Variants in PRRC2C observed in about 807,000 individuals in gnomAD.
PRRC2C encodes the protein proline rich coiled-coil 2C.
A neutral mutation model predicts 317.2 loss-of-function variants in PRRC2C; 72 were observed. The ratio of observed to expected loss-of-function variants is 0.23; its 90% CI spans 0.19 to 0.28. The LOEUF is 0.28. PRRC2C is among the 10% of genes least tolerant of loss of function. The pLI is 1.00. For missense variants in PRRC2C, 3,074 were observed against 3,459.7 expected, an observed-to-expected ratio of 0.89 and a Z score of 2.80; for synonymous variants, 1,296 against 1,205.9, an observed-to-expected ratio of 1.07 and a Z score of -1.55.
At chr1:171,587,906 A>G (rs1650420812) in intron 32 of PRRC2C, among the ~76,000 whole-genome samples, 155 bp downstream of exon 32, 1 of 152,222 alleles carries the variant, frequency 6.6e-6, no homozygotes, top group Non-Finnish European at 1.5e-5. Context: ...TTAAGCTTTT[A>G]AATTATTTAA....
Position 171,557,323 on chromosome 1 carries a change from A to C in PRRC2C, c.5211A>C (p.Thr1737=), listed in dbSNP as rs1681639772. The C allele has an allele frequency of 1.9e-6, 3 of 1,552,036 alleles. No individual in the cohort carries two copies. The highest frequency in any genetic ancestry group is 2.6e-6 in the Non-Finnish European group (3 of 1,147,052). The change falls in exon 19 of 35, where the codon ACA becomes ACC. Residue 1737 remains threonine, a synonymous_variant. Transcript: ENST00000647382. ...LPPRFAKKQA[T]GIQQAQSSAS... is the part of the protein sequence containing the mutation. ...CAAGATTTGCCAAAAAACAGGCTAC[A>C]GGGATCCAGCAAGCACAGTCTTCAG... is the stretch of plus-strand genomic sequence containing the variant.
intron 33 of PRRC2C, among the ~76,000 whole-genome samples, chr1:171,588,737 A>G (rs1650637187): frequency 6.6e-6 from 1 of 152,232 alleles, no homozygotes; most frequent in Non-Finnish European, 1.5e-5. Context: ...GATTCCCCAC[A>G]CAGCTCTGAT....
chr1:171,578,188 G>T (rs1209630812), intron 26 of PRRC2C, among the ~76,000 whole-genome samples: 3 of 151,910 alleles, frequency 2.0e-5, no homozygotes, highest in Non-Finnish European at 4.4e-5. Flanking sequence ...ATCTCATATG[G>T]ATACATTTAA....
chr1:171,565,147 A>G (rs1015955059), intron 20 of PRRC2C, among the ~76,000 whole-genome samples: 10 of 152,238 alleles, frequency 6.6e-5, no homozygotes, highest in African/African-American at 9.6e-5. Flanking sequence ...ACTGTTCCCC[A>G]TACCTGCTAT....
chr1:171,511,337 C>CATT (rs1671347046), intron 1 of PRRC2C: 1 of 152,072 alleles, frequency 6.6e-6, no homozygotes, highest in Non-Finnish European at 1.5e-5. Context: ...GATGAGGGTA[C>CATT]ATTAGCTCTA....
At chr1:171,527,290 G>A (rs556302075) in intron 10 of PRRC2C, among the ~76,000 whole-genome samples, 40 of 149,798 alleles carry the variant, frequency 2.7e-4, no homozygotes, top group African/African-American at 9.3e-4. Flanking sequence ...CCGCCACCAC[G>A]CCTGGCTAAT....
chr1:171,556,966 G>T (rs1034299994), intron 18 of PRRC2C, among the ~76,000 whole-genome samples: 1 of 152,154 alleles, frequency 6.6e-6, no homozygotes, highest in African/African-American at 2.4e-5. Context: ...AAGTTTTGCT[G>T]CCAGTGAATT....
At position 171,591,872 on chromosome 1, in the gene PRRC2C, TGGGAGGGGGGCGG is replaced by T; in HGVS notation, c.*27_*39del. 1.8e-6 allele frequency: 1 copy of T among 568,604 alleles called. No individual in the cohort carries two copies. Among genetic ancestry groups the T allele is most frequent in the Non-Finnish European group, 2.7e-6 (1 of 372,666 alleles). The allele number at this position is 568,604 out of a possible 1,614,324, so 35.2% of individuals were successfully genotyped here. A position where few individuals can be genotyped will look rare whatever the true frequency, so the allele number is the denominator to read the frequency against. On this transcript the variant is annotated 3_prime_UTR_variant, in exon 35 of 35. Transcript: ENST00000647382. Reference sequence around the variant, plus strand: ...AAGGCTATGGTTTATTGCAGGGGATTGGGAGGGGGGCGGGAAAACATGGAGAATTAAGTCAGAT... The same window carrying T: ...AAGGCTATGGTTTATTGCAGGGGATTGAAAACATGGAGAATTAAGTCAGAT...
At chr1:171,531,339 A>G (rs1675825323) in intron 11 of PRRC2C, among the ~76,000 whole-genome samples, 1 of 152,236 alleles carries the variant, frequency 6.6e-6, no homozygotes, top group Non-Finnish European at 1.5e-5. Flanking sequence ...TTTTACTTTT[A>G]TGAAGTGAGT....
intron 4 of PRRC2C, 99 bp from the exon 5 acceptor site, chr1:171,515,635 A>C: frequency 9.6e-7 from 1 of 1,036,460 alleles, no homozygotes; most frequent in Non-Finnish European, 1.4e-6. Flanking sequence ...ATGTGGAATA[A>C]TTTAAGAGAA....
chr1:171,534,449 G>A (rs1481601668), intron 12 of PRRC2C, among the ~76,000 whole-genome samples: 2 of 139,312 alleles, frequency 1.4e-5, no homozygotes, highest in African/African-American at 5.4e-5. Flanking sequence ...GTTTATCAGT[G>A]AGATGTACCC....
At position 171,540,231 on chromosome 1, in the gene PRRC2C, C is replaced by T; in HGVS notation, c.2765C>T (p.Ser922Phe). The change falls in exon 16 of 35, where the codon TCC becomes TTC. Residue 922 changes from serine (S) to phenylalanine (F), a missense_variant. Around this residue, in one of 11 missense-constraint regions of PRRC2C, gnomAD observed 1,320 missense variants for 1,395.7 expected, o/e 0.95. Coordinates refer to ENST00000647382, the MANE Select transcript of PRRC2C (RefSeq NM_001387844.1). ...ATTTCAGCTGTAGAAAGTCAGCCTT[C>T]CCGGAAAAGAAGTGTTTCCCATGGA... ...ERISAVESQP[S>F]RKRSVSHGSN... 1 of 1,613,870 alleles carries T rather than the reference C, an allele frequency of 6.2e-7. No individual in the cohort carries two copies. Among genetic ancestry groups the T allele is most frequent in the Non-Finnish European group, 8.5e-7 (1 of 1,179,882 alleles).
chr1:171,499,424 G>T lies in PRRC2C; in HGVS notation c.-57-12608G>T, dbSNP rs185776139. Among the ~76,000 whole-genome samples, 346 of 152,298 alleles carry T rather than the reference G, an allele frequency of 2.3e-3. 1 individual carries two copies. The highest frequency in any genetic ancestry group is 3.9e-3 in the Non-Finnish European group (268 of 68,026). Reference sequence around the variant, plus strand: ...TAGCTTGAAGGAAAGTTTTGGAATTGTCCTTACTGATAATATTTGAAGCAG... The same window carrying T: ...TAGCTTGAAGGAAAGTTTTGGAATTTTCCTTACTGATAATATTTGAAGCAG... On this transcript the variant is annotated intron_variant, in intron 1 of 34. Coordinates refer to ENST00000647382, the MANE Select transcript of PRRC2C (RefSeq NM_001387844.1).
At chr1:171,515,471 C>T (rs919784176) in intron 4 of PRRC2C, among the ~76,000 whole-genome samples, 2 of 152,164 alleles carry the variant, frequency 1.3e-5, no homozygotes, top group African/African-American at 2.4e-5. Context: ...GAGAAACAAG[C>T]TCTTCACTTG....
At chr1:171,512,349 G>C (rs1352186456) in intron 2 of PRRC2C, 149 bp downstream of exon 2, 3 of 606,742 alleles carry the variant, frequency 4.9e-6, no homozygotes, top group Non-Finnish European at 9.3e-6. Context: ...ATTTTTCAGA[G>C]GATATGTGAT....
intron 17 of PRRC2C, among the ~76,000 whole-genome samples, chr1:171,549,081 C>T (rs1679700880): frequency 6.6e-6 from 1 of 152,212 alleles, no homozygotes; most frequent in Non-Finnish European, 1.5e-5. Flanking sequence ...AACAACTCCA[C>T]ACTGTAGACA....
chr1:171,546,237 G>GA (rs1225923066), intron 17 of PRRC2C, among the ~76,000 whole-genome samples: 2 of 152,080 alleles, frequency 1.3e-5, no homozygotes, highest in African/African-American at 4.8e-5. Flanking sequence ...ATTGGATGAA[G>GA]AAAAAACAGA....
chr1:171,511,877 G>A, intron 1 of PRRC2C, 155 bp from the exon 2 acceptor site: 1 of 413,098 alleles, frequency 2.4e-6, no homozygotes, highest in South Asian at 2.8e-5. Context: ...ATAGCTTATT[G>A]TGATCAATTT....
At chr1:171,575,794 G>A (rs576705208) in intron 25 of PRRC2C, among the ~76,000 whole-genome samples, 85 of 152,172 alleles carry the variant, frequency 5.6e-4, no homozygotes, top group Non-Finnish European at 1.0e-3. Context: ...TTTACCATAT[G>A]TAGAACCAAG....
Sources: allele counts gnomAD v4.1 joint callset (sites outside exome capture counted in the v4.1 genomes callset), GRCh38; gene constraint gnomAD v4.1.1; regional missense constraint gnomAD v4.1.1; transcripts MANE v1.5; gene names NCBI Gene and HGNC (gene_info 2026-07-23, HGNC 2026-07-21).